CFAP52: variants seen among roughly 807,000 people sequenced by gnomAD.
CFAP52 encodes cilia and flagella associated protein 52.
CFAP52 carries 57 observed loss-of-function variants against 70.5 expected under a neutral mutation model. That is an observed-to-expected ratio of 0.81 (90% confidence interval 0.65 to 1.01). The LOEUF (loss-of-function observed/expected upper bound fraction) is 1.01, where lower values mean the gene tolerates loss of function less well. CFAP52 is among the 50% of genes least tolerant of loss of function. The pLI, the probability that CFAP52 is intolerant of heterozygous loss-of-function variation, is 0.00. For missense variants in CFAP52, 785 were observed against 788.5 expected (o/e 1.00, Z 0.05); for synonymous variants, 267 against 292.5 (o/e 0.91, Z 0.89).
In CFAP52 at chr17:9,612,363, C is replaced by T. The variant is rs1343914149; in HGVS notation, c.909C>T (p.His303=). 3.7e-6 allele frequency: 6 copies of T among 1,614,216 alleles called. No homozygotes were observed. Among genetic ancestry groups the T allele is most frequent in the Non-Finnish European group, 5.1e-6 (6 of 1,180,044 alleles). ...ITSITLRGEG[H]QFLVGTEESH... ...CTATCACACTTCGAGGAGAAGGACA[C>T]CAGTTTCTCGTAGGAACAGAAGAAT... Residue 303 remains histidine, a synonymous_variant, in exon 8 of 14, where the codon CAC becomes CAT. Coordinates refer to ENST00000352665, the MANE Select transcript of CFAP52 (RefSeq NM_145054.5).
At chr17:9,595,408 A>G (rs1908954041) in intron 4 of CFAP52, among the ~76,000 whole-genome samples, 1 of 152,114 alleles carries the variant, frequency 6.6e-6, no homozygotes, top group African/African-American at 2.4e-5. Context: ...GGAACGATTC[A>G]TTCAGAGGCC....
chr17:9,639,738 G>C (rs981533961), intron 12 of CFAP52, among the ~76,000 whole-genome samples: 1 of 152,166 alleles, frequency 6.6e-6, no homozygotes, highest in Non-Finnish European at 1.5e-5. Context: ...CAGCTGGGGT[G>C]GTGGGTGAAG....
chr17:9,615,055 T>C (rs1909853316), intron 8 of CFAP52, among the ~76,000 whole-genome samples: 1 of 152,230 alleles, frequency 6.6e-6, no homozygotes, highest in African/African-American at 2.4e-5. Flanking sequence ...GGTAACTTTC[T>C]AAAAGGAGAT....
In CFAP52 at chr17:9,576,667, G is replaced by A; in HGVS notation, c.-29G>A. The A allele has an allele frequency of 6.3e-7, 1 of 1,594,370 alleles. No homozygotes were observed. Among genetic ancestry groups the A allele is most frequent in the Non-Finnish European group, 8.6e-7 (1 of 1,168,130 alleles). On this transcript the variant is annotated 5_prime_UTR_variant, in exon 1 of 14. Coordinates refer to ENST00000352665, the MANE Select transcript of CFAP52 (RefSeq NM_145054.5). ...AGAAGACGCTGCAGCCACTAGGGAG[G>A]AGAGCAAAGTAATCAGAACCTCCCA...
At chr17:9,640,604 C>T (rs904574135) in intron 12 of CFAP52, among the ~76,000 whole-genome samples, 4 of 151,978 alleles carry the variant, frequency 2.6e-5, no homozygotes, top group Admixed American at 1.3e-4. Context: ...CATAGTATTC[C>T]GTGGTATATA....
intron 9 of CFAP52, among the ~76,000 whole-genome samples, chr17:9,630,873 C>T (rs1050108159): frequency 6.7e-6 from 1 of 149,988 alleles, no homozygotes; most frequent in African/African-American, 2.5e-5. Flanking sequence ...GTAGTCCCAG[C>T]TACCCGGGAG....
At chr17:9,587,883 G>C (rs1328244611) in intron 3 of CFAP52, among the ~76,000 whole-genome samples, 1 of 152,106 alleles carries the variant, frequency 6.6e-6, no homozygotes, top group Non-Finnish European at 1.5e-5. Context: ...AGTATGCATT[G>C]TCTGAAAAGC....
intron 1 of CFAP52, 83 bp from the exon 2 acceptor site, chr17:9,585,690 A>C (rs1376972039): frequency 9.1e-6 from 12 of 1,312,048 alleles, no homozygotes; most frequent in South Asian, 3.8e-5. Flanking sequence ...CACACACACA[A>C]AGTGTTGTGT....
chr17:9,604,802 T>TAAAA (rs1567626855), intron 6 of CFAP52, among the ~76,000 whole-genome samples: 2 of 130,184 alleles, frequency 1.5e-5, no homozygotes, highest in Admixed American at 8.0e-5. Flanking sequence ...AATAAATAAA[T>TAAAA]AAAAGAAGAT....
At chr17:9,626,671 T>C (rs1347374186) in intron 8 of CFAP52, among the ~76,000 whole-genome samples, 1 of 152,246 alleles carries the variant, frequency 6.6e-6, no homozygotes, top group Non-Finnish European at 1.5e-5. Flanking sequence ...TCTCTAATTT[T>C]AAATAAATAT....
intron 7 of CFAP52, among the ~76,000 whole-genome samples, chr17:9,609,039 T>C (rs1241580608): frequency 6.6e-6 from 1 of 152,116 alleles, no homozygotes; most frequent in African/African-American, 2.4e-5. Flanking sequence ...CACAGAGGGA[T>C]GGGCTTAAAC....
chr17:9,643,780 CAA>C (rs1567640154), downstream of CFAP52, among the ~76,000 whole-genome samples: 1 of 152,184 alleles, frequency 6.6e-6, no homozygotes, highest in Non-Finnish European at 1.5e-5. Context: ...CATGCTTTCT[CAA>C]AGAAAATGTG....
chr17:9,610,099 G>A (rs1463685543), intron 7 of CFAP52, among the ~76,000 whole-genome samples: 2 of 152,104 alleles, frequency 1.3e-5, no homozygotes, highest in Non-Finnish European at 2.9e-5. Flanking sequence ...AGGTGGGGGA[G>A]AGGAATGATG....
chr17:9,615,583 T>C (rs1351508566), intron 8 of CFAP52, among the ~76,000 whole-genome samples: 1 of 152,072 alleles, frequency 6.6e-6, no homozygotes, highest in East Asian at 1.9e-4. Context: ...GGAAACTATC[T>C]ACTTTATTTG....
At chr17:9,594,499 T>G (rs1187333163) in intron 4 of CFAP52, 178 bp downstream of exon 4, 11 of 717,306 alleles carry the variant, frequency 1.5e-5, no homozygotes, top group Non-Finnish European at 2.0e-5. Context: ...ATTTTCACTA[T>G]AGTTATTTTA....
intron 3 of CFAP52, among the ~76,000 whole-genome samples, chr17:9,593,759 A>G (rs774511959): frequency 7.9e-5 from 12 of 152,062 alleles, no homozygotes; most frequent in Non-Finnish European, 1.3e-4. Context: ...CCCAGCCAAC[A>G]TTCGAAACCA....
rs758570869 is a variant in CFAP52 at position 9,643,179 on chromosome 17, A to T, written c.1844A>T (p.Lys615Met). 1 of 1,612,032 alleles carries T rather than the reference A, an allele frequency of 6.2e-7. No individual in the cohort carries two copies. The highest frequency in any genetic ancestry group is 1.7e-5 in the Admixed American group (1 of 59,684). The stretch of plus-strand genomic sequence containing the variant: ...GCCGATGGAGCCATTTTGCGATGGA[A>T]GTACCCATATACCTCCTGAAGCTGA... ...VSADGAILRW[K>M]YPYTS The change falls in exon 14 of 14, where the codon AAG (lysine) becomes ATG (methionine). Residue 615 changes from lysine to methionine, a missense_variant. Physicochemically the swap from Lys to Met is moderately conservative, Grantham distance 95 (BLOSUM62 -1). Coordinates refer to ENST00000352665, the MANE Select transcript of CFAP52 (RefSeq NM_145054.5).
intron 3 of CFAP52, among the ~76,000 whole-genome samples, chr17:9,590,662 C>G (rs1025262896): frequency 7.2e-5 from 11 of 152,170 alleles, no homozygotes; most frequent in Non-Finnish European, 1.5e-4. Context: ...AATCCCACCC[C>G]CTGTCAAAGA....
intron 1 of CFAP52, among the ~76,000 whole-genome samples, chr17:9,583,414 A>G (rs1908310103): frequency 6.6e-6 from 1 of 152,086 alleles, no homozygotes; most frequent in Non-Finnish European, 1.5e-5. Context: ...TTTAAGAACA[A>G]GAAGATTATA....
Sources: gnomAD v4.1 joint callset for allele counts (sites outside exome capture counted in the v4.1 genomes callset) on GRCh38, gnomAD v4.1.1 for gene constraint, MANE v1.5 for transcripts, NCBI Gene and HGNC (gene_info 2026-07-23, HGNC 2026-07-21) for gene names.